YWHAB: variants seen among roughly 807,000 people sequenced by gnomAD.
YWHAB encodes 14-3-3 protein beta/alpha.
Under a neutral mutation model 28.5 loss-of-function variants are expected in YWHAB, and 2 were observed. The ratio of observed to expected loss-of-function variants is 0.07; its 90% CI spans 0.03 to 0.22. The LOEUF is 0.22. YWHAB is among the 10% of genes least tolerant of loss of function. The pLI is 1.00. For synonymous variants in YWHAB, 103 were observed against 104.7 expected (o/e 0.98, Z 0.10); for missense variants, 148 against 297.1 (o/e 0.50, Z 3.69).
chr20:44,893,823 C>A (rs929248887), intron 1 of YWHAB, among the ~76,000 whole-genome samples: 1 of 151,644 alleles, frequency 6.6e-6, no homozygotes, highest in African/African-American at 2.4e-5. Context: ...CTCAGCCTCC[C>A]GAGTAGCTGG....
At chr20:44,901,293 A>T (rs1254054262) in intron 1 of YWHAB, among the ~76,000 whole-genome samples, 1 of 152,174 alleles carries the variant, frequency 6.6e-6, no homozygotes, top group African/African-American at 2.4e-5. Context: ...GTTGTTATGA[A>T]CATACCTACT....
chr20:44,902,018 GT>G (rs1290497288), intron 2 of YWHAB, 185 bp downstream of exon 2: 4 of 551,076 alleles, frequency 7.3e-6, no homozygotes, highest in Non-Finnish European at 1.2e-5. Context: ...CTGATCAGAG[GT>G]TGTACATCAC....
intron 1 of YWHAB, among the ~76,000 whole-genome samples, chr20:44,892,965 G>A (rs1349063452): frequency 6.6e-6 from 1 of 152,000 alleles, no homozygotes; most frequent in Non-Finnish European, 1.5e-5. Context: ...TTTTCGAATC[G>A]AGCATGTTCT....
At chr20:44,902,977 T>G (rs2066636119) in intron 2 of YWHAB, 3 of 905,710 alleles carry the variant, frequency 3.3e-6, no homozygotes, top group Non-Finnish European at 4.0e-6. Flanking sequence ...GTAGACCAAC[T>G]TTTAAGAGCA....
chr20:44,886,570 T>C (rs1222534338), intron 1 of YWHAB: 2 of 152,166 alleles, frequency 1.3e-5, no homozygotes, highest in African/African-American at 4.8e-5. Flanking sequence ...GGGGTGAGAA[T>C]CGGAGTATTT....
At chr20:44,890,831 A>T (rs868613396) in intron 1 of YWHAB, among the ~76,000 whole-genome samples, 2 of 151,784 alleles carry the variant, frequency 1.3e-5, no homozygotes, top group East Asian at 3.9e-4. Context: ...TAAGCTCACA[A>T]TCCGGTGTGG....
chr20:44,904,868 C>G (rs1450146139), intron 3 of YWHAB, 100 bp from the exon 4 acceptor site: 2 of 1,221,758 alleles, frequency 1.6e-6, no homozygotes, highest in Non-Finnish European at 2.2e-6. Context: ...GGTCATTGCT[C>G]CTGCCCAGTT....
chr20:44,898,433 ATT>A (rs2145533200), intron 1 of YWHAB, among the ~76,000 whole-genome samples: 1 of 151,958 alleles, frequency 6.6e-6, no homozygotes, highest in South Asian at 2.1e-4. Context: ...TGTGTGTAGA[ATT>A]TCTCTCTTGA....
chr20:44,899,900 G>A (rs1012206697), intron 1 of YWHAB, among the ~76,000 whole-genome samples: 1 of 152,180 alleles, frequency 6.6e-6, no homozygotes, highest in African/African-American at 2.4e-5. Context: ...TGTACATCTT[G>A]TTATACACCC....
intron 1 of YWHAB, among the ~76,000 whole-genome samples, chr20:44,888,800 C>T (rs1277489561): frequency 1.3e-5 from 2 of 152,176 alleles, no homozygotes; most frequent in Admixed American, 6.5e-5. Flanking sequence ...TCATCAGTTA[C>T]TTTGGCATAG....
chr20:44,893,837 T>G (rs2066578718), intron 1 of YWHAB, among the ~76,000 whole-genome samples: 1 of 151,920 alleles, frequency 6.6e-6, no homozygotes, highest in Admixed American at 6.6e-5. Context: ...TAGCTGGGAT[T>G]ACAGTCATAC....
intron 1 of YWHAB, chr20:44,887,281 G>T (rs948463039): frequency 6.6e-5 from 10 of 152,182 alleles, no homozygotes; most frequent in Non-Finnish European, 1.2e-4. Context: ...AGAAATTTAA[G>T]TGTGGCTTTC....
chr20:44,905,941 A>G (rs948918316), intron 4 of YWHAB, 60 bp from the exon 5 acceptor site: 2 of 1,374,106 alleles, frequency 1.5e-6, no homozygotes, highest in East Asian at 2.3e-5. Context: ...CGGGAAAAAA[A>G]GTGGGCTAAA....
chr20:44,906,273 C>A, intron 5 of YWHAB, 109 bp from the exon 6 acceptor site: 3 of 1,264,444 alleles, frequency 2.4e-6, no homozygotes, highest in Non-Finnish European at 3.4e-6. Flanking sequence ...TCTGCAGTGA[C>A]ACAGGAATAA....
intron 1 of YWHAB, among the ~76,000 whole-genome samples, chr20:44,895,418 C>A (rs1050683474): frequency 6.6e-6 from 1 of 152,138 alleles, no homozygotes; most frequent in African/African-American, 2.4e-5. Flanking sequence ...AAAAGGGAGT[C>A]ATTGGAAGTT....
In YWHAB at chr20:44,886,517, G is replaced by A. The variant is rs199897252; in HGVS notation, c.-4+631G>A. 14 of 152,356 alleles carry A rather than the reference G, an allele frequency of 9.2e-5. No homozygotes were observed. In the East Asian group the frequency reaches 2.7e-3, roughly 29 times the overall value. 9.4% of individuals were successfully genotyped at this position (152,356 alleles called of 1,614,324 possible). On this transcript the variant is annotated intron_variant, in intron 1 of 5. Coordinates refer to ENST00000353703, the MANE Select transcript of YWHAB (RefSeq NM_139323.4). ...GAATCAAGAAAATCTGTTTGTTGGA[G>A]CCGGTTACTGAGTCAGGCCGGATCC...
At chr20:44,890,896 A>G (rs6031851) in intron 1 of YWHAB, among the ~76,000 whole-genome samples, 50,157 of 152,006 alleles carry the variant, frequency 0.33, 9,248 homozygotes, top group African/African-American at 0.49. Context: ...CATTTTAGAA[A>G]TAAGCATAGG....
At chr20:44,892,064 A>G (rs2066565865) in intron 1 of YWHAB, among the ~76,000 whole-genome samples, 2 of 152,170 alleles carry the variant, frequency 1.3e-5, no homozygotes, top group Non-Finnish European at 2.9e-5. Flanking sequence ...GTAGCTTGGC[A>G]TCTGATTTTT....
intron 1 of YWHAB, among the ~76,000 whole-genome samples, chr20:44,891,270 A>AT (rs1199875185): frequency 2.6e-5 from 4 of 152,070 alleles, no homozygotes; most frequent in South Asian, 2.1e-4. Flanking sequence ...TACCCGGCTA[A>AT]TTTTTTTATA....
Sources: gnomAD v4.1 joint callset for allele counts (sites outside exome capture counted in the v4.1 genomes callset) on GRCh38, gnomAD v4.1.1 for gene constraint, MANE v1.5 for transcripts, NCBI Gene and HGNC (gene_info 2026-07-23, HGNC 2026-07-21) for gene names.